Variants in ARR3 observed in about 807,000 individuals in gnomAD.
ARR3 encodes arrestin 3.
Under a neutral mutation model 35.4 loss-of-function variants are expected in ARR3, and 14 were observed. That is an observed-to-expected ratio of 0.40 (90% CI 0.26 to 0.62). ARR3 has a LOEUF of 0.62. Among genes scored for constraint, ARR3 ranks in the 20% least tolerant of loss-of-function variants. The pLI is 0.46. For synonymous variants in ARR3, 97 were observed against 119.1 expected (o/e 0.81, Z 1.21); for missense variants, 259 against 303.8 (o/e 0.85, Z 1.10).
intron 5 of ARR3, among the ~76,000 whole-genome samples, chrX:70,273,501 C>T (rs1300094685): frequency 8.9e-6 from 1 of 111,856 alleles, no homozygotes; most frequent in Non-Finnish European, 1.9e-5. Context: ...GGATTACAGG[C>T]GTGAGCCACT....
intron 16 of ARR3, 46 bp from the exon 17 acceptor site, chrX:70,281,630 A>G (rs778283502): frequency 9.3e-7 from 1 of 1,072,739 alleles, no homozygotes; most frequent in South Asian, 2.0e-5. Context: ...GAGGACACCC[A>G]GAAAGGGGTT....
intron 5 of ARR3, among the ~76,000 whole-genome samples, chrX:70,274,108 A>C (rs970955894): frequency 9.1e-6 from 1 of 110,398 alleles, no homozygotes; most frequent in African/African-American, 3.3e-5. Context: ...GTCTATGATC[A>C]ACTTTGATAT....
rs2085681803 is a variant in ARR3, at chrX:70,281,093, C to T, written c.1067-6C>T. 8.3e-7 allele frequency: 1 copy of T among 1,209,603 alleles called. No individual in the cohort carries two copies. ...TTTTTTCCCTCCGTCTCCATGCTTG[C>T]TACAGAGGCCGCTAGGTAATGGAAT... On this transcript the variant is annotated splice_polypyrimidine_tract_variant and splice_region_variant and intron_variant, in intron 15 of 16. Coordinates refer to ENST00000307959, the MANE Select transcript of ARR3 (RefSeq NM_004312.3).
At chrX:70,276,893 C>G (rs748830999) in intron 8 of ARR3, among the ~76,000 whole-genome samples, 157 bp downstream of exon 8, 2 of 111,960 alleles carry the variant, frequency 1.8e-5, no homozygotes, top group African/African-American at 6.5e-5. Context: ...CTTCTTTGAT[C>G]TAGGGCAGGG....
chrX:70,278,406 T>G (rs1242574677), intron 11 of ARR3, 98 bp from the exon 12 acceptor site: 8 of 1,003,828 alleles, frequency 8.0e-6, no homozygotes, highest in South Asian at 2.3e-5. Context: ...GATACTCCAG[T>G]AGGTTCTTGT....
chrX:70,279,611 G>A (rs1021822922), intron 12 of ARR3, among the ~76,000 whole-genome samples: 2 of 112,645 alleles, frequency 1.8e-5, no homozygotes, highest in Admixed American at 1.9e-4. Flanking sequence ...GATGAGGAAC[G>A]AAGAGAGATG....
At chrX:70,275,132 T>C (rs1368623162) in intron 5 of ARR3, among the ~76,000 whole-genome samples, 3 of 112,513 alleles carry the variant, frequency 2.7e-5, no homozygotes, top group Non-Finnish European at 5.6e-5. Context: ...ACTTATTAGC[T>C]CATACTCTAC....
chrX:70,280,731 AGAG>A (rs1433400030), intron 14 of ARR3, 32 bp from the exon 15 acceptor site: 4 of 1,207,317 alleles, frequency 3.3e-6, no homozygotes, highest in African/African-American at 1.8e-5. Context: ...GCTTGTAGAG[AGAG>A]GAGATGTAAC....
chrX:70,270,233 G>A, intron 5 of ARR3, 89 bp downstream of exon 5: 1 of 994,769 alleles, frequency 1.0e-6, no homozygotes, highest in Admixed American at 2.3e-5. Flanking sequence ...ACCAGAAAGT[G>A]GCAGGAACTG....
chrX:70,270,173 A>C (rs764577959), intron 5 of ARR3, 29 bp downstream of exon 5: 3 of 1,197,763 alleles, frequency 2.5e-6, no homozygotes, highest in Non-Finnish European at 3.4e-6. Flanking sequence ...TGGTCTTTGT[A>C]TGTTTCAGAC....
chrX:70,279,888 C>T (rs992840415), intron 12 of ARR3, among the ~76,000 whole-genome samples: 6 of 111,523 alleles, frequency 5.4e-5, no homozygotes, highest in Non-Finnish European at 1.1e-4. Flanking sequence ...GGTTGTATCC[C>T]AGGAGTTAGG....
At chrX:70,270,651 A>G (rs1237932417) in intron 5 of ARR3, among the ~76,000 whole-genome samples, 1 of 110,411 alleles carries the variant, frequency 9.1e-6, no homozygotes, top group Admixed American at 9.7e-5. Flanking sequence ...AGACTTTAGA[A>G]GCCTGGATAG....
chrX:70,277,889 T>C, intron 10 of ARR3, 89 bp downstream of exon 10: 1 of 952,684 alleles, frequency 1.0e-6, no homozygotes. Context: ...TCTGCATTCA[T>C]CTAGGCTTTC....
chrX:70,273,213 CCTTT>C (rs1162540600), intron 5 of ARR3, among the ~76,000 whole-genome samples: 1 of 79,249 alleles, frequency 1.3e-5, no homozygotes, highest in Non-Finnish European at 2.4e-5. Context: ...CGAAAGGATT[CCTTT>C]TTTTTTTTTT....
At chrX:70,274,633 G>C (rs906290549) in intron 5 of ARR3, among the ~76,000 whole-genome samples, 1 of 112,630 alleles carries the variant, frequency 8.9e-6, no homozygotes, top group Non-Finnish European at 1.9e-5. Context: ...TGAAAGCTGG[G>C]AAGTCTAAGA....
At chrX:70,276,605 T>G in intron 7 of ARR3, 64 bp from the exon 8 acceptor site, 1 of 1,175,763 alleles carries the variant, frequency 8.5e-7, no homozygotes, top group Non-Finnish European at 1.2e-6. Context: ...CATTTTCTTA[T>G]AGGCCCATGA....
chrX:70,280,194 G>A lies in ARR3; in HGVS notation c.906-1G>A, dbSNP rs1469319698. On this transcript the variant is annotated splice_acceptor_variant, in intron 12 of 16. Transcript: ENST00000307959. LOFTEE classifies it high-confidence loss of function. ...CCTAAAACGAATACTACAACCTCCAGTATTAGACCGGGAATGGACAAAGAG... is the reference window on the plus strand; with the variant it reads ...CCTAAAACGAATACTACAACCTCCAATATTAGACCGGGAATGGACAAAGAG... 8.3e-7 allele frequency: 1 copy of A among 1,209,704 alleles called. No homozygotes were observed. The highest frequency in any genetic ancestry group is 1.8e-5 in the South Asian group (1 of 56,840).
chrX:70,270,451 A>T (rs2085625623), intron 5 of ARR3, among the ~76,000 whole-genome samples: 1 of 112,486 alleles, frequency 8.9e-6, no homozygotes, highest in African/African-American at 3.2e-5. Context: ...TCAAAATTAC[A>T]CAAAACTTAC....
At chrX:70,271,206 C>T (rs1174018398) in intron 5 of ARR3, among the ~76,000 whole-genome samples, 2 of 112,305 alleles carry the variant, frequency 1.8e-5, no homozygotes, top group Non-Finnish European at 3.8e-5. Context: ...TCTACAAAAT[C>T]TTCACAAGCT....
Sources: gnomAD v4.1 joint callset for allele counts (sites outside exome capture counted in the v4.1 genomes callset) on GRCh38, gnomAD v4.1.1 for gene constraint, MANE v1.5 for transcripts, NCBI Gene and HGNC (gene_info 2026-07-23, HGNC 2026-07-21) for gene names.